The following DLG1 variants were observed in gnomAD, a reference collection of about 807,000 sequenced individuals.
The protein encoded by DLG1 is discs large MAGUK scaffold protein 1, also known as disks large homolog 1.
Under a neutral mutation model 123.4 loss-of-function variants are expected in DLG1, and 42 were observed. The observed-to-expected ratio is 0.34, with a 90% CI of 0.27 to 0.44. DLG1 has a LOEUF of 0.44. Among genes scored for constraint, DLG1 ranks in the 20% least tolerant of loss-of-function variants. DLG1 has a pLI of 1.00. For missense variants in DLG1, 942 were observed against 1,082.6 expected (o/e 0.87, Z 1.82); for synonymous variants, 317 against 356.2 (o/e 0.89, Z 1.24).
intron 4 of DLG1, among the ~76,000 whole-genome samples, chr3:197,276,621 T>C (rs1766559295): frequency 6.6e-6 from 1 of 152,180 alleles, no homozygotes; most frequent in Non-Finnish European, 1.5e-5. Flanking sequence ...TTAGTTTCTA[T>C]AAGAAGTTTC....
At chr3:197,271,436 C>T (rs745352412) in intron 4 of DLG1, among the ~76,000 whole-genome samples, 10 of 152,190 alleles carry the variant, frequency 6.6e-5, no homozygotes, top group Non-Finnish European at 1.3e-4. Context: ...ACTATCTTCA[C>T]ACTTTCCCTC....
intron 12 of DLG1, 82 bp downstream of exon 12, chr3:197,119,316 TTAGTCCTAAAAA>T: frequency 1.8e-6 from 2 of 1,125,878 alleles, no homozygotes; most frequent in South Asian, 4.5e-5. Flanking sequence ...ATAAAATTTT[TTAGTCCTAAAAA>T]TTGTGGCTAT....
At position 197,042,966 on chromosome 3, in the gene DLG1, T is replaced by C. The variant is rs1721055963; in HGVS notation, c.*1657A>G. The C allele has an allele frequency of 1.3e-5, 2 of 152,328 alleles. No individual in the cohort carries two copies. Among genetic ancestry groups the C allele is most frequent in the South Asian group, 4.1e-4 (2 of 4,830 alleles). 9.4% of individuals were successfully genotyped at this position (152,328 alleles called of 1,614,324 possible). On this transcript the variant is annotated 3_prime_UTR_variant, in exon 25 of 25. Transcript: ENST00000667157. ...CAGTTTATTAGCTGTTCTCCTCTTC[T>C]TCATAAATGGAATGGATAATGTTGA...
At chr3:197,105,727 A>G (rs1037144470) in intron 13 of DLG1, among the ~76,000 whole-genome samples, 1 of 152,246 alleles carries the variant, frequency 6.6e-6, no homozygotes, top group South Asian at 2.1e-4. Flanking sequence ...AGTGCAAGGT[A>G]CATTATCTTA....
intron 4 of DLG1, among the ~76,000 whole-genome samples, chr3:197,254,873 C>T (rs1025129579): frequency 2.6e-5 from 4 of 151,942 alleles, no homozygotes; most frequent in African/African-American, 7.3e-5. Flanking sequence ...TGTGGTGAAA[C>T]CCCACGTTTA....
rs554589124 is a variant in DLG1, at chr3:197,285,517, C to T, written c.152-2672G>A. ...AGAAAATACTGGCAAAACACATACCCAATAAAGGACTAATATTCAAGTGGA... is the reference window on the plus strand; with the variant it reads ...AGAAAATACTGGCAAAACACATACCTAATAAAGGACTAATATTCAAGTGGA... On this transcript the variant is annotated intron_variant, in intron 3 of 24. Transcript: ENST00000667157. Among the ~76,000 whole-genome samples, 9 of 151,916 alleles carry T rather than the reference C, an allele frequency of 5.9e-5. No homozygotes were observed. In the South Asian group the frequency reaches 1.7e-3, roughly 28 times the overall value.
chr3:197,218,807 G>T (rs985957223), intron 4 of DLG1, among the ~76,000 whole-genome samples: 2 of 152,112 alleles, frequency 1.3e-5, no homozygotes, highest in African/African-American at 4.8e-5. Flanking sequence ...TCAAACACAG[G>T]TAGTCATCAA....
At chr3:197,077,639 G>A (rs1475589333) in intron 17 of DLG1, among the ~76,000 whole-genome samples, 1 of 152,202 alleles carries the variant, frequency 6.6e-6, no homozygotes, top group Non-Finnish European at 1.5e-5. Flanking sequence ...TTGTAACGTG[G>A]AGTTGAGCAG....
At chr3:197,066,862 A>G in intron 19 of DLG1, 108 bp from the exon 20 acceptor site, 1 of 639,274 alleles carries the variant, frequency 1.6e-6, no homozygotes, top group Non-Finnish European at 2.7e-6. Context: ...AGAAAATGGC[A>G]AAGATATGGA....
At chr3:197,051,710 A>G in intron 23 of DLG1, 42 bp from the exon 24 acceptor site, 1 of 1,469,338 alleles carries the variant, frequency 6.8e-7, no homozygotes, top group East Asian at 2.3e-5. Context: ...CCAAATTATA[A>G]TACTTTTAAA....
intron 24 of DLG1, among the ~76,000 whole-genome samples, chr3:197,045,959 C>T (rs1560279581): frequency 2.0e-5 from 3 of 152,108 alleles, no homozygotes; most frequent in South Asian, 2.1e-4. Flanking sequence ...AGAAGAAAGA[C>T]GTTGTATGTA....
At chr3:197,051,833 ATTTTTTTTTTTTTT>A (rs35979905) in intron 23 of DLG1, among the ~76,000 whole-genome samples, 165 bp from the exon 24 acceptor site, 2 of 90,288 alleles carry the variant, frequency 2.2e-5, no homozygotes, top group South Asian at 3.9e-4. Context: ...ATTTCTGGGA[ATTTTTTTTTTTTTT>A]TTTTTTTTTT....
At chr3:197,250,478 G>A (rs540284224) in intron 4 of DLG1, among the ~76,000 whole-genome samples, 13 of 151,572 alleles carry the variant, frequency 8.6e-5, no homozygotes, top group African/African-American at 1.9e-4. Context: ...CTGAGGCAGG[G>A]GAATCAGTTG....
intron 4 of DLG1, among the ~76,000 whole-genome samples, chr3:197,214,559 C>T (rs950905507): frequency 5.9e-5 from 9 of 151,484 alleles, no homozygotes; most frequent in African/African-American, 1.9e-4. Context: ...GGCGACAGAG[C>T]GAGACTCTGT....
At chr3:197,065,505 A>T in intron 21 of DLG1, 57 bp from the exon 22 acceptor site, 1 of 1,410,372 alleles carries the variant, frequency 7.1e-7, no homozygotes, top group Non-Finnish European at 9.6e-7. Flanking sequence ...ACCACAATAA[A>T]TCCATTTTCT....
chr3:197,217,674 TTAAAAA>T (rs1474234107), intron 4 of DLG1, among the ~76,000 whole-genome samples: 3 of 152,170 alleles, frequency 2.0e-5, no homozygotes, highest in Non-Finnish European at 4.4e-5. Context: ...GGAGCCAGAC[TTAAAAA>T]TAGAACATAT....
chr3:197,286,051 G>A (rs1305176251), intron 3 of DLG1, among the ~76,000 whole-genome samples: 8 of 152,066 alleles, frequency 5.3e-5, no homozygotes, highest in Admixed American at 2.0e-4. Flanking sequence ...AAAAAGATAC[G>A]AGCTATTAGG....
chr3:197,056,711 G>GT lies in DLG1; in HGVS notation c.2483+3177dup, dbSNP rs1221784527. Among the ~76,000 whole-genome samples, 6 of 151,978 alleles carry GT rather than the reference G, an allele frequency of 3.9e-5. No individual in the cohort carries two copies. In the East Asian group the frequency reaches 9.6e-4, roughly 24 times the overall value. On this transcript the variant is annotated intron_variant, in intron 23 of 24. Coordinates refer to ENST00000667157, the MANE Select transcript of DLG1 (RefSeq NM_001366207.1). The stretch of plus-strand genomic sequence containing the variant: ...ACAGATGAGCAATATTAGAAAAATC[G>GT]TATCATACAGCTTGTTACATTTTCA...
intron 12 of DLG1, among the ~76,000 whole-genome samples, chr3:197,118,851 C>A (rs185363861): frequency 6.6e-6 from 1 of 152,090 alleles, no homozygotes; most frequent in Admixed American, 6.5e-5. Context: ...AACAAACCCA[C>A]CCACCAGCCA....
Sources: gnomAD v4.1 joint callset for allele counts (sites outside exome capture counted in the v4.1 genomes callset) on GRCh38, gnomAD v4.1.1 for gene constraint, MANE v1.5 for transcripts, NCBI Gene and HGNC (gene_info 2026-07-23, HGNC 2026-07-21) for gene names.